The following PIP4K2A variants were observed in gnomAD, a reference collection of about 807,000 sequenced individuals.
PIP4K2A encodes the protein phosphatidylinositol 5-phosphate 4-kinase type-2 alpha.
Under a neutral mutation model 42.9 loss-of-function variants are expected in PIP4K2A, and 14 were observed. That is an observed-to-expected ratio of 0.33 (90% CI 0.22 to 0.51). The LOEUF is 0.51. Among genes scored for constraint, PIP4K2A ranks in the 20% least tolerant of loss-of-function variants. The pLI is 0.97. For synonymous variants in PIP4K2A, 192 were observed against 192.2 expected (o/e 1.00, Z 0.01); for missense variants, 434 against 519.8 (o/e 0.83, Z 1.61).
chr10:22,564,681 T>G (rs1836796210), intron 6 of PIP4K2A, among the ~76,000 whole-genome samples: 1 of 152,198 alleles, frequency 6.6e-6, no homozygotes, highest in African/African-American at 2.4e-5. Flanking sequence ...CCAAAGCCAG[T>G]GCCTTAGAGG....
chr10:22,543,856 A>T (rs1388562405), intron 7 of PIP4K2A, among the ~76,000 whole-genome samples: 1 of 152,122 alleles, frequency 6.6e-6, no homozygotes, highest in Non-Finnish European at 1.5e-5. Flanking sequence ...GTGGATGTGG[A>T]AGAGAACTGG....
At chr10:22,572,017 C>T (rs1302310826) in intron 5 of PIP4K2A, among the ~76,000 whole-genome samples, 2 of 152,196 alleles carry the variant, frequency 1.3e-5, no homozygotes, top group African/African-American at 2.4e-5. Flanking sequence ...ACTACATATT[C>T]TAATATTTCT....
In PIP4K2A at chr10:22,565,845, C is replaced by CA. The variant is rs1554795533; in HGVS notation, c.678+2005dup. Among the ~76,000 whole-genome samples, 132 of 151,960 alleles carry CA rather than the reference C, an allele frequency of 8.7e-4. 2 individuals are homozygous for CA. In the South Asian group the frequency reaches 0.011, roughly 12 times the overall value. On this transcript the variant is annotated intron_variant, in intron 6 of 9. Coordinates refer to ENST00000376573, the MANE Select transcript of PIP4K2A (RefSeq NM_005028.5). ...GATACAGGCTTATAAACAGCCCCCC[C>CA]AGGTGTGCCTGTCTCTTATGGTCGA... is the stretch of plus-strand genomic sequence containing the variant.
chr10:22,620,650 GA>G (rs1489885975), intron 1 of PIP4K2A, among the ~76,000 whole-genome samples: 2 of 152,208 alleles, frequency 1.3e-5, no homozygotes, highest in African/African-American at 4.8e-5. Context: ...TTAAAAATGG[GA>G]AGACCTGGCA....
At chr10:22,567,782 G>C (rs114067052) in intron 6 of PIP4K2A, 69 bp downstream of exon 6, 5 of 1,291,074 alleles carry the variant, frequency 3.9e-6, no homozygotes, top group Non-Finnish European at 5.6e-6. Flanking sequence ...TAGAAATAAA[G>C]AGTAAAGGTG....
intron 1 of PIP4K2A, among the ~76,000 whole-genome samples, chr10:22,637,667 G>C (rs984582392): frequency 1.3e-5 from 2 of 152,198 alleles, no homozygotes; most frequent in African/African-American, 2.4e-5. Context: ...CACAAAGCAA[G>C]ACAAGCAGTG....
At chr10:22,597,599 C>A (rs1837662419) in intron 3 of PIP4K2A, among the ~76,000 whole-genome samples, 1 of 151,672 alleles carries the variant, frequency 6.6e-6, no homozygotes, top group Non-Finnish European at 1.5e-5. Context: ...GTGCTGAATT[C>A]TGGGTTACTC....
intron 1 of PIP4K2A, among the ~76,000 whole-genome samples, chr10:22,689,633 G>C (rs1223971456): frequency 6.6e-6 from 1 of 152,144 alleles, no homozygotes; most frequent in African/African-American, 2.4e-5. Flanking sequence ...TTTTGGTATG[G>C]GGAGTGGTCC....
At position 22,573,445 on chromosome 10, in the gene PIP4K2A, A is replaced by T. The variant is rs1161998242; in HGVS notation, c.505T>A (p.Cys169Ser). Residue 169 changes from cysteine to serine, a missense_variant, in exon 5 of 10, where the codon TGT (cysteine) becomes AGT (serine). Coordinates refer to ENST00000376573, the MANE Select transcript of PIP4K2A (RefSeq NM_005028.5). ...LKKYHQYIVE[C>S]HGITLLPQFL... ...TGGGGAAGAAGGGTGATCCCATGAC[A>T]TTCCACTATGTACTGCATAGGAGAG... 2 of 1,613,830 alleles carry T rather than the reference A, an allele frequency of 1.2e-6. No homozygotes were observed. Among genetic ancestry groups the T allele is most frequent in the African/African-American group, 2.7e-5 (2 of 75,046 alleles).
chr10:22,671,433 A>T (rs1006829357), intron 1 of PIP4K2A, among the ~76,000 whole-genome samples: 1 of 152,152 alleles, frequency 6.6e-6, no homozygotes, highest in Non-Finnish European at 1.5e-5. Flanking sequence ...GAGTTTGCCT[A>T]AACCGTTTCA....
chr10:22,545,344 T>G (rs1029242570), intron 7 of PIP4K2A, among the ~76,000 whole-genome samples: 2 of 152,194 alleles, frequency 1.3e-5, no homozygotes, highest in Non-Finnish European at 2.9e-5. Flanking sequence ...GACCTTCAAG[T>G]ATGTTTTAGT....
At chr10:22,550,906 A>G (rs1044453522) in intron 6 of PIP4K2A, 134 bp from the exon 7 acceptor site, 15 of 641,400 alleles carry the variant, frequency 2.3e-5, no homozygotes, top group African/African-American at 3.7e-5. Flanking sequence ...CAGGGGTCTT[A>G]CCCAAACAAT....
chr10:22,627,859 A>G (rs566128984), intron 1 of PIP4K2A, among the ~76,000 whole-genome samples: 2 of 152,174 alleles, frequency 1.3e-5, no homozygotes, highest in Non-Finnish European at 2.9e-5. Flanking sequence ...CTGTCACAAC[A>G]GGATAAAACA....
At chr10:22,546,130 G>A (rs991446476) in intron 7 of PIP4K2A, among the ~76,000 whole-genome samples, 2 of 152,210 alleles carry the variant, frequency 1.3e-5, no homozygotes, top group Non-Finnish European at 2.9e-5. Flanking sequence ...TTCCATGCTT[G>A]ACGAGTTCGC....
intron 1 of PIP4K2A, among the ~76,000 whole-genome samples, chr10:22,639,975 G>C (rs1838744790): frequency 1.5e-5 from 2 of 130,766 alleles, no homozygotes; most frequent in Non-Finnish European, 3.2e-5. Flanking sequence ...TTACCAAGAA[G>C]AATCAAATAT....
chr10:22,639,878 G>A (rs1007014266), intron 1 of PIP4K2A, among the ~76,000 whole-genome samples: 4 of 152,156 alleles, frequency 2.6e-5, no homozygotes, highest in African/African-American at 9.7e-5. Context: ...TCCAGAACAC[G>A]AAGAACACGT....
At chr10:22,681,602 G>A (rs994095288) in intron 1 of PIP4K2A, among the ~76,000 whole-genome samples, 1 of 152,106 alleles carries the variant, frequency 6.6e-6, no homozygotes, top group Non-Finnish European at 1.5e-5. Flanking sequence ...TTGAGCCTGG[G>A]GGGTAGAGGC....
intron 3 of PIP4K2A, among the ~76,000 whole-genome samples, chr10:22,606,908 G>C (rs1277790890): frequency 6.6e-6 from 1 of 152,076 alleles, no homozygotes; most frequent in Non-Finnish European, 1.5e-5. Context: ...CTTGGGGATG[G>C]GACCCAAGTC....
chr10:22,638,647 G>C (rs1371060278), intron 1 of PIP4K2A, among the ~76,000 whole-genome samples: 1 of 152,048 alleles, frequency 6.6e-6, no homozygotes, highest in Non-Finnish European at 1.5e-5. Context: ...TAGTGAACAG[G>C]GATCAATTTT....
Sources: gnomAD v4.1 joint callset for allele counts (sites outside exome capture counted in the v4.1 genomes callset) on GRCh38, gnomAD v4.1.1 for gene constraint, MANE v1.5 for transcripts, NCBI Gene and HGNC (gene_info 2026-07-23, HGNC 2026-07-21) for gene names.